Variants in ABR observed in about 807,000 individuals in gnomAD.
ABR encodes the protein active breakpoint cluster region-related protein.
In ABR, 35 loss-of-function variants were observed where a neutral mutation model predicts 107.2. That is an observed-to-expected ratio of 0.33 (90% confidence interval 0.25 to 0.43). The LOEUF (loss-of-function observed/expected upper bound fraction) is 0.43. Among genes scored for constraint, ABR ranks in the 20% least tolerant of loss-of-function variants. The pLI is 1.00. For missense variants in ABR, 815 were observed against 1,115.2 expected (o/e 0.73, Z 3.83); for synonymous variants, 498 against 462.0 (o/e 1.08, Z -1.00).
At chr17:1,085,210 T>G (rs1333137000) in intron 4 of ABR, among the ~76,000 whole-genome samples, 1 of 150,382 alleles carries the variant, frequency 6.6e-6, no homozygotes, top group Non-Finnish European at 1.5e-5. Context: ...CCTCCCAGGT[T>G]CGCGCCATTC....
At chr17:1,006,226 T>C in intron 22 of ABR, 57 bp from the exon 23 acceptor site, 1 of 1,446,624 alleles carries the variant, frequency 6.9e-7, no homozygotes, top group South Asian at 1.2e-5. Context: ...TCGTCCTTGC[T>C]GACTCCAGCC....
rs1415499825 is a variant in ABR at position 1,064,649 on chromosome 17, C to T, written c.1182+2428G>A. On this transcript the variant is annotated intron_variant, in intron 10 of 22. Transcript: ENST00000302538. The stretch of plus-strand genomic sequence containing the variant: ...GTTGTTATGTGAACTGAGGGCTATG[C>T]ATGTTCCTCTAGACACTGTTGTTAC... Among the ~76,000 whole-genome samples the T allele has an allele frequency of 2.7e-3, 339 of 126,364 alleles. 2 individuals are homozygous for T. The highest frequency in any genetic ancestry group is 9.7e-3 in the African/African-American group (322 of 33,350). 82.9% of individuals were successfully genotyped at this position (126,364 alleles called of 152,430 possible). A position where few individuals can be genotyped will look rare whatever the true frequency, so the allele number is the denominator to read the frequency against.
intron 1 of ABR, among the ~76,000 whole-genome samples, chr17:1,149,816 G>A (rs1050068317): frequency 6.6e-6 from 1 of 152,248 alleles, no homozygotes; most frequent in African/African-American, 2.4e-5. Flanking sequence ...CCAAATGCCA[G>A]GAGCCAGGCT....
intron 1 of ABR, among the ~76,000 whole-genome samples, chr17:1,173,537 G>A (rs1012620906): frequency 3.3e-5 from 5 of 151,842 alleles, no homozygotes; most frequent in Non-Finnish European, 1.5e-5. Context: ...CATAAACCCT[G>A]GCAAAAGCGC....
intron 12 of ABR, among the ~76,000 whole-genome samples, chr17:1,057,308 TTGTGTGTGTGTGTGTGTGTGTGTG>T (rs750525310): frequency 1.8e-4 from 12 of 68,028 alleles, no homozygotes; most frequent in East Asian, 8.1e-4. Flanking sequence ...CTGAAGAGGT[TTGTGTGTGTGTGTGTGTGTGTGTG>T]TGTGTGTGTG....
Position 1,011,021 on chromosome 17 carries a change from G to C in ABR, c.2102-158C>G, listed in dbSNP as rs866166556. Reference sequence around the variant, plus strand: ...GAGGGCCCACAGGTGTCTGTGACTCGGCTCTGTGGGTCGGGGTTGGGGGAA... The same window carrying C: ...GAGGGCCCACAGGTGTCTGTGACTCCGCTCTGTGGGTCGGGGTTGGGGGAA... On this transcript the variant is annotated intron_variant, in intron 19 of 22. Coordinates refer to ENST00000302538, the MANE Select transcript of ABR (RefSeq NM_021962.5). The surrounding 1 kb of genome is among the most constrained non-coding windows in gnomAD (Gnocchi z 4.8). 3.2e-6 allele frequency: 3 copies of C among 928,538 alleles called. No homozygotes were observed. Among genetic ancestry groups the C allele is most frequent in the East Asian group, 2.6e-5 (1 of 38,586 alleles). The allele number at this position is 928,538 out of a possible 1,614,324, so 57.5% of individuals were successfully genotyped here.
chr17:1,051,795 G>A lies in ABR; in HGVS notation c.1562-1161C>T, dbSNP rs1377537253. On this transcript the variant is annotated intron_variant, in intron 14 of 22. Coordinates refer to ENST00000302538, the MANE Select transcript of ABR (RefSeq NM_021962.5). The surrounding 1 kb of genome is among the most constrained non-coding windows in gnomAD (Gnocchi z 4.3). ...CTCCATCAGAACAGCTTTCCTGGCC[G>A]GGCAAGGTGGCTCACGCCTGTAAAT... 3.3e-5 allele frequency among the ~76,000 whole-genome samples: 5 copies of A among 152,172 alleles called. No individual in the cohort carries two copies. Among genetic ancestry groups the A allele is most frequent in the South Asian group, 2.1e-4 (1 of 4,828 alleles).
intron 16 of ABR, among the ~76,000 whole-genome samples, chr17:1,032,757 G>A (rs1188363051): frequency 6.6e-6 from 1 of 152,208 alleles, no homozygotes; most frequent in Non-Finnish European, 1.5e-5. Context: ...CAAGGTAACA[G>A]TGCAAGTTAG....
At chr17:1,202,173 G>C (rs1270128934) in intron 1 of ABR, among the ~76,000 whole-genome samples, 1 of 152,112 alleles carries the variant, frequency 6.6e-6, no homozygotes, top group African/African-American at 2.4e-5. Context: ...GCCCAGGTTG[G>C]GGCACCACCA....
upstream of ABR, among the ~76,000 whole-genome samples, chr17:1,192,025 G>A (rs2042447458): frequency 6.6e-6 from 1 of 152,152 alleles, no homozygotes; most frequent in Non-Finnish European, 1.5e-5. Flanking sequence ...ACCTCGACAC[G>A]AAGAGATGTA....
In ABR at chr17:1,042,735, T is replaced by C. The variant is rs1002336478; in HGVS notation, c.1791+7315A>G. ...GGATGGATGGATGGATAAACAGACATGGCACCTACATTCACGGACGGATGG... is the reference window on the plus strand; with the variant it reads ...GGATGGATGGATGGATAAACAGACACGGCACCTACATTCACGGACGGATGG... On this transcript the variant is annotated intron_variant, in intron 16 of 22. Coordinates refer to ENST00000302538, the MANE Select transcript of ABR (RefSeq NM_021962.5). Among the ~76,000 whole-genome samples the C allele has an allele frequency of 9.9e-5, 15 of 150,988 alleles. No individual in the cohort carries two copies. The East Asian group carries it at 2.9e-3, about 30-fold the overall frequency.
chr17:1,062,014 G>C (rs1240181884), intron 10 of ABR, among the ~76,000 whole-genome samples: 4 of 152,220 alleles, frequency 2.6e-5, no homozygotes, highest in Admixed American at 6.5e-5. Flanking sequence ...ACAGGATCTG[G>C]GGACAGGGCA....
chr17:1,175,935 C>G (rs1290705753), intron 1 of ABR, among the ~76,000 whole-genome samples: 1 of 151,696 alleles, frequency 6.6e-6, no homozygotes, highest in Non-Finnish European at 1.5e-5. Context: ...ACTAAAAACA[C>G]AAAAAATTAG....
chr17:1,207,243 C>T (rs961815012), intron 1 of ABR, among the ~76,000 whole-genome samples: 18 of 52,754 alleles, frequency 3.4e-4, no homozygotes, highest in Non-Finnish European at 8.2e-4. Context: ...AACAGTGAGA[C>T]GTGTCTCAAA....
chr17:1,193,982 C>T lies in ABR; in HGVS notation c.838+34811G>A, dbSNP rs367900598. On this transcript the variant is annotated intron_variant, in intron 1 of 22. Coordinates refer to the ABR transcript ENST00000574139. ...GTGCTGGGATAACAGGCGTGAGCCC[C>T]GCGCCTGGCCACTGCAGCTCTTAAA... Among the ~76,000 whole-genome samples, 4 of 152,242 alleles carry T rather than the reference C, an allele frequency of 2.6e-5. No homozygotes were observed. In the South Asian group the frequency reaches 6.2e-4, roughly 24 times the overall value.
At chr17:1,073,505 C>G in intron 7 of ABR, 120 bp downstream of exon 7, 1 of 801,974 alleles carries the variant, frequency 1.2e-6, no homozygotes, top group Non-Finnish European at 1.8e-6. Flanking sequence ...TCCTTGGAGC[C>G]TAGGAACCCC....
intron 16 of ABR, among the ~76,000 whole-genome samples, chr17:1,022,106 C>CAAAAAAAAAAAAAAAAAAAAAAAAA (rs759234729): frequency 5.1e-5 from 2 of 39,230 alleles, no homozygotes; most frequent in African/African-American, 1.5e-4. Flanking sequence ...GACTCTGTCT[C>CAAAAAAAAAAAAAAAAAAAAAAAAA]AAAAAAAAAA....
At position 1,011,760 on chromosome 17, in the gene ABR, T is replaced by C; in HGVS notation, c.2101+86A>G. On this transcript the variant is annotated intron_variant, in intron 19 of 22. Coordinates refer to ENST00000302538, the MANE Select transcript of ABR (RefSeq NM_021962.5). This position sits in a 1 kb window ranked among gnomAD's most constrained non-coding sequence, Gnocchi z 4.8. The stretch of plus-strand genomic sequence containing the variant: ...GAGCAAGCCTCCTCTCCAGGGAGGC[T>C]CCTGGTTCCCCCGAGCTCTCCTGTC... The C allele has an allele frequency of 6.8e-7, 1 of 1,472,008 alleles. No individual in the cohort carries two copies. Among genetic ancestry groups the C allele is most frequent in the Non-Finnish European group, 9.0e-7 (1 of 1,107,976 alleles). The allele number at this position is 1,472,008 out of a possible 1,614,324, so 91.2% of individuals were successfully genotyped here. A position where few individuals can be genotyped will look rare whatever the true frequency, so the allele number is the denominator to read the frequency against.
rs575089565 is a variant in ABR, at chr17:1,149,783, G to A, written c.62-24416C>T. Reference sequence around the variant, plus strand: ...ACGAGCTCAGCTCGGCCATAGGTAGGGGTTGCCGGGCACCTGTCAGCTCCA... The same window carrying A: ...ACGAGCTCAGCTCGGCCATAGGTAGAGGTTGCCGGGCACCTGTCAGCTCCA... On this transcript the variant is annotated intron_variant, in intron 1 of 22. Coordinates refer to ENST00000302538, the MANE Select transcript of ABR (RefSeq NM_021962.5). Among the ~76,000 whole-genome samples the A allele has an allele frequency of 5.9e-5, 9 of 152,286 alleles. No individual in the cohort carries two copies. The South Asian group carries it at 1.9e-3, about 32-fold the overall frequency.
Sources: gnomAD v4.1 joint callset for allele counts (sites outside exome capture counted in the v4.1 genomes callset) on GRCh38, gnomAD v4.1.1 for gene constraint, Gnocchi (gnomAD v3.1) non-coding constraint, MANE v1.5 for transcripts, NCBI Gene and HGNC (gene_info 2026-07-23, HGNC 2026-07-21) for gene names.